The following ATRNL1 variants were observed in gnomAD, a reference collection of about 807,000 sequenced individuals.
ATRNL1 encodes the protein attractin-like protein 1.
A neutral mutation model predicts 182.7 loss-of-function variants in ATRNL1; 95 were observed. The observed-to-expected ratio is 0.52, with a 90% CI of 0.44 to 0.62. The LOEUF (loss-of-function observed/expected upper bound fraction) is 0.62. Among genes scored for constraint, ATRNL1 ranks in the 20% least tolerant of loss-of-function variants. The pLI is 0.00. For synonymous variants in ATRNL1, 576 were observed against 568.3 expected, an observed-to-expected ratio of 1.01 and a Z score of -0.19; for missense variants, 1,471 against 1,679.5, an observed-to-expected ratio of 0.88 and a Z score of 2.17.
chr10:115,217,071 AAAC>A (rs1849262696), intron 9 of ATRNL1, among the ~76,000 whole-genome samples: 1 of 152,004 alleles, frequency 6.6e-6, no homozygotes, highest in African/African-American at 2.4e-5. Context: ...TACACATTTT[AAAC>A]ATGTATTTAA....
chr10:115,262,601 A>G (rs557502615), intron 10 of ATRNL1, among the ~76,000 whole-genome samples: 8 of 152,152 alleles, frequency 5.3e-5, no homozygotes, highest in African/African-American at 1.9e-4. Flanking sequence ...TGAAAAAAAG[A>G]TGCTGTAGCA....
chr10:115,626,507 GT>G (rs1472034331), intron 26 of ATRNL1, among the ~76,000 whole-genome samples: 7 of 152,130 alleles, frequency 4.6e-5, no homozygotes, highest in Admixed American at 6.5e-5. Context: ...ATTTGATTCT[GT>G]TACAGTAAGT....
chr10:115,854,636 C>T (rs1388391109), intron 28 of ATRNL1, among the ~76,000 whole-genome samples: 1 of 152,180 alleles, frequency 6.6e-6, no homozygotes, highest in African/African-American at 2.4e-5. Flanking sequence ...AGCCGTCCTT[C>T]CCCCTTTCCT....
At chr10:115,762,865 G>C (rs1285445659) in intron 27 of ATRNL1, among the ~76,000 whole-genome samples, 1 of 151,844 alleles carries the variant, frequency 6.6e-6, no homozygotes, top group Non-Finnish European at 1.5e-5. Context: ...TCTAACTGTT[G>C]AAATATCTTT....
chr10:115,097,173 C>A (rs1276886476), intron 1 of ATRNL1, among the ~76,000 whole-genome samples: 3 of 152,024 alleles, frequency 2.0e-5, no homozygotes, highest in African/African-American at 7.2e-5. Context: ...AATTTGGATA[C>A]TTCATTTCAC....
chr10:115,598,378 T>TTTATTTATTTA, intron 26 of ATRNL1, among the ~76,000 whole-genome samples: 3 of 151,244 alleles, frequency 2.0e-5, no homozygotes. Flanking sequence ...TATTTATTTA[T>TTTATTTATTTA]TTTGAGACGG....
Position 115,362,384 on chromosome 10 carries a change from A to G in ATRNL1, c.3175+27965A>G, listed in dbSNP as rs576985787. On this transcript the variant is annotated intron_variant, in intron 19 of 28. Coordinates refer to ENST00000355044, the MANE Select transcript of ATRNL1 (RefSeq NM_207303.4). ...ATTATGTATATTTATAATATACAAC[A>G]TCATGTTTGGTTTATGAGGATATAT... Among the ~76,000 whole-genome samples the G allele has an allele frequency of 5.1e-4, 78 of 152,188 alleles. 1 individual carries two copies. In the Middle Eastern group the frequency reaches 0.017, roughly 33 times the overall value.
chr10:115,142,478 G>T (rs1192474065), intron 5 of ATRNL1, among the ~76,000 whole-genome samples: 1 of 152,126 alleles, frequency 6.6e-6, no homozygotes, highest in African/African-American at 2.4e-5. Context: ...TGGAATTAAG[G>T]GGTTGCTGGA....
At chr10:115,199,206 A>G (rs782148509) in intron 8 of ATRNL1, among the ~76,000 whole-genome samples, 4 of 151,880 alleles carry the variant, frequency 2.6e-5, no homozygotes, top group African/African-American at 4.8e-5. Context: ...TTCATTGTAC[A>G]GATCTTTCAC....
intron 26 of ATRNL1, among the ~76,000 whole-genome samples, chr10:115,612,413 G>C (rs977867929): frequency 1.1e-4 from 17 of 152,140 alleles, no homozygotes; most frequent in African/African-American, 4.1e-4. Context: ...ATTATCTAAA[G>C]ATACTCATTC....
intron 25 of ATRNL1, among the ~76,000 whole-genome samples, chr10:115,536,442 G>A (rs973633721): frequency 9.9e-5 from 15 of 152,174 alleles, no homozygotes; most frequent in African/African-American, 2.7e-4. Context: ...CTCCTGGTGC[G>A]CCATTTTTTA....
At chr10:115,892,393 A>G (rs1377563142) in intron 28 of ATRNL1, among the ~76,000 whole-genome samples, 1 of 152,204 alleles carries the variant, frequency 6.6e-6, no homozygotes, top group Non-Finnish European at 1.5e-5. Context: ...TGTTATATAT[A>G]CATCTAGTAA....
At chr10:115,501,410 G>A (rs989244985) in intron 24 of ATRNL1, among the ~76,000 whole-genome samples, 1 of 152,168 alleles carries the variant, frequency 6.6e-6, no homozygotes, top group Non-Finnish European at 1.5e-5. Context: ...AGGGACTGTA[G>A]ACAAGGTATA....
intron 27 of ATRNL1, among the ~76,000 whole-genome samples, chr10:115,815,352 CG>C (rs1950136799): frequency 6.6e-6 from 1 of 151,128 alleles, no homozygotes; most frequent in African/African-American, 2.4e-5. Flanking sequence ...GTACCTAAAA[CG>C]AAGTTGCTAT....
chr10:115,333,607 C>T (rs1855339540), intron 18 of ATRNL1, among the ~76,000 whole-genome samples: 1 of 151,682 alleles, frequency 6.6e-6, no homozygotes, highest in African/African-American at 2.4e-5. Context: ...GCCTCAGCCT[C>T]CCAAGTAGCT....
chr10:115,200,333 C>A (rs1389981365), intron 8 of ATRNL1, among the ~76,000 whole-genome samples: 1 of 141,682 alleles, frequency 7.1e-6, no homozygotes, highest in African/African-American at 2.6e-5. Flanking sequence ...CCCATTAACT[C>A]GTCATTTAGC....
intron 24 of ATRNL1, among the ~76,000 whole-genome samples, chr10:115,483,722 A>C (rs1396243450): frequency 6.6e-6 from 1 of 151,650 alleles, no homozygotes; most frequent in Non-Finnish European, 1.5e-5. Context: ...TTTAAAGTTA[A>C]TGCAAATGTG....
intron 13 of ATRNL1, among the ~76,000 whole-genome samples, chr10:115,273,171 C>T (rs150663584): frequency 7.2e-5 from 11 of 152,204 alleles, no homozygotes; most frequent in African/African-American, 2.2e-4. Flanking sequence ...AGGTTGGCCT[C>T]GGTGGATGGA....
chr10:115,933,060 T>C (rs998215618), intron 28 of ATRNL1, among the ~76,000 whole-genome samples: 2 of 152,226 alleles, frequency 1.3e-5, no homozygotes, highest in Non-Finnish European at 1.5e-5. Context: ...TCAGAACTCA[T>C]ATGAAAGGTG....
Sources: gnomAD v4.1 joint callset for allele counts (sites outside exome capture counted in the v4.1 genomes callset) on GRCh38, gnomAD v4.1.1 for gene constraint, MANE v1.5 for transcripts, NCBI Gene and HGNC (gene_info 2026-07-23, HGNC 2026-07-21) for gene names.